The following HELLS variants were observed in gnomAD, a reference collection of about 807,000 sequenced individuals.
HELLS encodes the protein lymphoid-specific helicase.
In HELLS, 32 loss-of-function variants were observed where a neutral mutation model predicts 120.0. The observed-to-expected ratio is 0.27, with a 90% CI of 0.20 to 0.36. The LOEUF (loss-of-function observed/expected upper bound fraction) is 0.36, where lower values mean the gene tolerates loss of function less well. HELLS is among the 10% of genes least tolerant of loss of function. The pLI is 1.00. For synonymous variants in HELLS, 341 were observed against 323.4 expected (o/e 1.05, Z -0.58); for missense variants, 650 against 993.4 (o/e 0.65, Z 4.65).
At chr10:94,613,041 A>G (rs2134147736) in exon 10 of HELLS, 1 of 152,302 alleles carries the variant, frequency 6.6e-6, no homozygotes, top group Admixed American at 6.5e-5. Flanking sequence ...ATTTGTTCAT[A>G]TTGCTCTGTG....
At chr10:94,603,668 TA>T (rs1426366411), downstream of HELLS, among the ~76,000 whole-genome samples, 1 of 152,228 alleles carries the variant, frequency 6.6e-6, no homozygotes, top group African/African-American at 2.4e-5. Context: ...TCATCTTGTT[TA>T]ATCCAAATTT....
chr10:94,585,098 G>A (rs1204306764), intron 12 of HELLS, among the ~76,000 whole-genome samples: 1 of 151,562 alleles, frequency 6.6e-6, no homozygotes, highest in African/African-American at 2.4e-5. Flanking sequence ...ACCTTGCATA[G>A]TAAAAAAAAT....
intron 8 of HELLS, among the ~76,000 whole-genome samples, chr10:94,607,205 A>G (rs2134144561): frequency 7.6e-6 from 1 of 132,278 alleles, no homozygotes; most frequent in South Asian, 2.9e-4. Context: ...GTATGGGGCC[A>G]TGGTGTTTGA....
intron 2 of HELLS, among the ~76,000 whole-genome samples, chr10:94,550,668 A>T (rs763704895): frequency 2.0e-5 from 3 of 151,912 alleles, no homozygotes; most frequent in Non-Finnish European, 4.4e-5. Flanking sequence ...GGCGGGGCAG[A>T]TCGCTTGAGC....
Position 94,588,343 on chromosome 10 carries a change from A to G in HELLS, c.1441A>G (p.Thr481Ala), listed in dbSNP as rs76480828. Residue 481 changes from threonine (T) to alanine (A), a missense_variant, in exon 13 of 22, where the codon ACA becomes GCA. Around this residue, in one of 9 missense-constraint regions of HELLS, gnomAD observed 191 missense variants for 259.7 expected, o/e 0.74. Transcript: ENST00000348459. ...TTCAAAGAAGCAGGAGATCTTTTAT[A>G]CAGCCATTGTGAACCGTACAATTGC... ...PLSKKQEIFY[T>A]AIVNRTIANM... The G allele has an allele frequency of 6.2e-7, 1 of 1,612,776 alleles. No homozygotes were observed. The highest frequency in any genetic ancestry group is 8.5e-7 in the Non-Finnish European group (1 of 1,179,318).
chr10:94,599,317 A>G (rs1267441264), intron 21 of HELLS, among the ~76,000 whole-genome samples: 1 of 152,224 alleles, frequency 6.6e-6, no homozygotes, highest in East Asian at 1.9e-4. Context: ...CTAATTAGAT[A>G]CCAAAAACCA....
Position 94,552,931 on chromosome 10 carries a change from A to G in HELLS, c.154-1195A>G, listed in dbSNP as rs568899813. Among the ~76,000 whole-genome samples, 31 of 152,300 alleles carry G rather than the reference A, an allele frequency of 2.0e-4. 1 individual carries two copies. The South Asian group carries it at 3.1e-3, about 15-fold the overall frequency. On this transcript the variant is annotated intron_variant, in intron 2 of 21. Transcript: ENST00000348459. ...GATTTGGAGGCTGCAGTAAGCCACA[A>G]TTGCACCAATTACAGCATGAGACCA...
intron 13 of HELLS, among the ~76,000 whole-genome samples, chr10:94,589,539 A>G (rs1354037607): frequency 1.4e-5 from 2 of 145,730 alleles, no homozygotes; most frequent in Non-Finnish European, 2.9e-5. Flanking sequence ...TGTTATTATC[A>G]TGTAACTGAA....
chr10:94,584,022 C>T, intron 12 of HELLS: 1 of 808,074 alleles, frequency 1.2e-6, no homozygotes, highest in South Asian at 1.7e-5. Context: ...TCAGAGTTTA[C>T]AGATGAGGGC....
intron 10 of HELLS, among the ~76,000 whole-genome samples, chr10:94,580,488 A>G (rs939107322): frequency 3.3e-5 from 5 of 151,908 alleles, no homozygotes; most frequent in African/African-American, 4.8e-5. Context: ...GGCCAAGGAT[A>G]TTTTATATTT....
intron 6 of HELLS, chr10:94,569,476 C>T (rs1320300333): frequency 6.6e-6 from 1 of 152,236 alleles, no homozygotes; most frequent in African/African-American, 2.4e-5. Context: ...GCCACCATGC[C>T]CGGCCAAGAC....
intron 10 of HELLS, among the ~76,000 whole-genome samples, chr10:94,578,928 G>A (rs1844663133): frequency 1.3e-5 from 2 of 152,248 alleles, no homozygotes; most frequent in South Asian, 4.2e-4. Flanking sequence ...GCCATAATGT[G>A]AGCAGTGGGG....
chr10:94,591,733 G>A (rs907129083), intron 15 of HELLS, among the ~76,000 whole-genome samples: 22 of 152,262 alleles, frequency 1.4e-4, no homozygotes, highest in African/African-American at 5.3e-4. Context: ...GAGTAAGAAG[G>A]AAGACAAAAC....
intron 4 of HELLS, among the ~76,000 whole-genome samples, chr10:94,559,810 TAAAACAGGG>T (rs1843462260): frequency 6.6e-6 from 1 of 152,006 alleles, no homozygotes; most frequent in Non-Finnish European, 1.5e-5. Flanking sequence ...GAAACACAAA[TAAAACAGGG>T]TTGTGTATCG....
chr10:94,575,776 TG>T (rs1564597409), intron 9 of HELLS, among the ~76,000 whole-genome samples: 1 of 40,232 alleles, frequency 2.5e-5, no homozygotes, highest in Non-Finnish European at 5.3e-5. Flanking sequence ...TGTGTTTGTG[TG>T]TGTGTGTGTG....
intron 19 of HELLS, among the ~76,000 whole-genome samples, chr10:94,596,435 T>C (rs977926119): frequency 3.9e-5 from 6 of 152,178 alleles, no homozygotes; most frequent in African/African-American, 1.4e-4. Context: ...TGTTTAGCTA[T>C]TTTGTTGAAT....
chr10:94,546,065 G>A, intron 1 of HELLS, 113 bp downstream of exon 1: 1 of 1,231,208 alleles, frequency 8.1e-7, no homozygotes, highest in African/African-American at 1.5e-5. Context: ...CAGGGACTGA[G>A]GAGGAAAGGA....
intron 21 of HELLS, among the ~76,000 whole-genome samples, chr10:94,600,277 C>T (rs944097950): frequency 3.5e-5 from 5 of 143,634 alleles, no homozygotes; most frequent in African/African-American, 7.8e-5. Flanking sequence ...GGTGACAGAG[C>T]GAGACTCTGT....
chr10:94,555,784 ATGTC>A (rs1843231397), intron 3 of HELLS, among the ~76,000 whole-genome samples: 2 of 151,812 alleles, frequency 1.3e-5, no homozygotes, highest in Non-Finnish European at 2.9e-5. Context: ...GCACACCATT[ATGTC>A]TGTCTTATTT....
Sources: gnomAD v4.1 joint callset for allele counts (sites outside exome capture counted in the v4.1 genomes callset) on GRCh38, gnomAD v4.1.1 for gene constraint, gnomAD v4.1.1 regional missense constraint, MANE v1.5 for transcripts, NCBI Gene and HGNC (gene_info 2026-07-23, HGNC 2026-07-21) for gene names.